The following SH3TC1 variants were observed in gnomAD, a reference collection of about 807,000 sequenced individuals.
SH3TC1 encodes SH3 domain and tetratricopeptide repeat-containing protein 1.
In SH3TC1, 135 loss-of-function variants were observed where a neutral mutation model predicts 117.3. The observed-to-expected ratio is 1.15, with a 90% CI of 1.00 to 1.33. SH3TC1 has a LOEUF of 1.33. SH3TC1 is among the 40% of genes most tolerant of loss of function. The pLI, the probability that SH3TC1 is intolerant of heterozygous loss-of-function variation, is 0.00. For missense variants in SH3TC1, 2,092 were observed against 1,794.3 expected, an observed-to-expected ratio of 1.17 and a Z score of -3.00; for synonymous variants, 898 against 816.9, an observed-to-expected ratio of 1.10 and a Z score of -1.69.
upstream of SH3TC1, among the ~76,000 whole-genome samples, chr4:8,197,474 C>G (rs954238303): frequency 6.6e-6 from 1 of 152,226 alleles, no homozygotes; most frequent in African/African-American, 2.4e-5. Context: ...CGTGTCCCCG[C>G]AGGGAAGAAG....
At chr4:8,215,341 G>A in intron 5 of SH3TC1, 1 of 438,636 alleles carries the variant, frequency 2.3e-6, no homozygotes, top group East Asian at 7.2e-5. Flanking sequence ...TGATTTGAGG[G>A]CTAAGTGAGT....
At position 8,209,953 on chromosome 4, in the gene SH3TC1, G is replaced by A. The variant is rs1718508356; in HGVS notation, c.247+131G>A. 1 of 936,606 alleles carries A rather than the reference G, an allele frequency of 1.1e-6. No homozygotes were observed. The allele number at this position is 936,606 out of a possible 1,614,324, so 58.0% of individuals were successfully genotyped here. ...ACTTCCCACCTTAAAATCATGATGG[G>A]AATAGAAAGAAGGGTTTGTTAAATG... On this transcript the variant is annotated intron_variant, in intron 3 of 17. Transcript: ENST00000245105. The surrounding 1 kb of genome is among the most constrained non-coding windows in gnomAD (Gnocchi z 5.9).
intron 9 of SH3TC1, among the ~76,000 whole-genome samples, chr4:8,222,321 G>T (rs1486781597): frequency 7.0e-6 from 1 of 143,854 alleles, no homozygotes; most frequent in Non-Finnish European, 1.5e-5. Context: ...CTGGGTATCT[G>T]CCCCTGGCCA....
chr4:8,183,203 C>G lies in SH3TC1; in HGVS notation c.-57+993C>G, dbSNP rs564479320. 6.6e-6 allele frequency among the ~76,000 whole-genome samples: 1 copy of G among 152,186 alleles called. No homozygotes were observed. Among genetic ancestry groups the G allele is most frequent in the Non-Finnish European group, 1.5e-5 (1 of 68,032 alleles). On this transcript the variant is annotated intron_variant, in intron 1 of 16. Transcript: ENST00000508641. The surrounding 1 kb of genome is among the most constrained non-coding windows in gnomAD (Gnocchi z 5.4). Reference sequence around the variant, plus strand: ...CCTCTGTGGCAGCAGCAGCCCCAGGCGAGTTCTGTTCACTACGAAGGAGCC... The same window carrying G: ...CCTCTGTGGCAGCAGCAGCCCCAGGGGAGTTCTGTTCACTACGAAGGAGCC...
Position 8,200,286 on chromosome 4 carries a change from C to T in SH3TC1, c.-29+881C>T, listed in dbSNP as rs6833593. Among the ~76,000 whole-genome samples, 410 of 152,306 alleles carry T rather than the reference C, an allele frequency of 2.7e-3. 2 individuals carry two copies. Among genetic ancestry groups the T allele is most frequent in the African/African-American group, 9.5e-3 (393 of 41,568 alleles). On this transcript the variant is annotated intron_variant, in intron 1 of 17. Transcript: ENST00000245105. ...TTGTGGCTGGAGGCAAGGCTGGGCC[C>T]GAGTCAGGTCTGGGTTTAGGATGGG... is the stretch of plus-strand genomic sequence containing the variant.
intron 11 of SH3TC1, 75 bp from the exon 12 acceptor site, chr4:8,226,905 A>C (rs1678300): frequency 0.99 from 1,124,814 of 1,132,054 alleles, 559,120 homozygotes; most frequent in Non-Finnish European, 1. Context: ...GCTGGGGATG[A>C]GGGGACCCTG....
chr4:8,187,907 G>T (rs1447894137), intron 1 of SH3TC1, among the ~76,000 whole-genome samples: 5 of 152,210 alleles, frequency 3.3e-5, no homozygotes, highest in African/African-American at 1.2e-4. Context: ...GTGTTTTGTT[G>T]CTCACTTTGT....
rs145165007 is a variant in SH3TC1 at position 8,233,024 on chromosome 4, G to A, written c.3132-339G>A. ...TGACTGTGATGCCTGCGCACCTTGA[G>A]AACCATCGGCCTGGATAGCATCTGA... On this transcript the variant is annotated intron_variant, in intron 13 of 17. Coordinates refer to ENST00000245105, the MANE Select transcript of SH3TC1 (RefSeq NM_018986.5). 3.9e-5 allele frequency: 47 copies of A among 1,209,050 alleles called. No homozygotes were observed. In the East Asian group the frequency reaches 1.7e-3, roughly 44 times the overall value. The allele number at this position is 1,209,050 out of a possible 1,614,324, so 74.9% of individuals were successfully genotyped here. A position where few individuals can be genotyped will look rare whatever the true frequency, so the allele number is the denominator to read the frequency against.
chr4:8,209,833 T>A lies in SH3TC1; in HGVS notation c.247+11T>A. On this transcript the variant is annotated intron_variant, in intron 3 of 17. Coordinates refer to ENST00000245105, the MANE Select transcript of SH3TC1 (RefSeq NM_018986.5). The surrounding 1 kb of genome is among the most constrained non-coding windows in gnomAD (Gnocchi z 5.9). ...GGGTTTATCCCACAGGTAAACATCCTGGGCCCTACACAGGGCTTCAGGTTC... is the reference window on the plus strand; with the variant it reads ...GGGTTTATCCCACAGGTAAACATCCAGGGCCCTACACAGGGCTTCAGGTTC... 1 of 1,612,406 alleles carries A rather than the reference T, an allele frequency of 6.2e-7. No individual in the cohort carries two copies. The highest frequency in any genetic ancestry group is 1.1e-5 in the South Asian group (1 of 90,604).
chr4:8,209,722 A>T lies in SH3TC1; in HGVS notation c.173-26A>T. 8.7e-6 allele frequency: 14 copies of T among 1,613,484 alleles called. No individual in the cohort carries two copies. The highest frequency in any genetic ancestry group is 1.1e-5 in the Non-Finnish European group (13 of 1,179,932). ...GCCAGGCCTTTGCTTGGTCTCCCCTAATCCTGGGAACCTGCTGTGTTGCAG... is the reference window on the plus strand; with the variant it reads ...GCCAGGCCTTTGCTTGGTCTCCCCTTATCCTGGGAACCTGCTGTGTTGCAG... On this transcript the variant is annotated intron_variant, in intron 2 of 17. Transcript: ENST00000245105. This position sits in a 1 kb window ranked among gnomAD's most constrained non-coding sequence, Gnocchi z 5.9.
At chr4:8,231,685 G>A in intron 12 of SH3TC1, 2 of 434,536 alleles carry the variant, frequency 4.6e-6, no homozygotes, top group Non-Finnish European at 8.2e-6. Context: ...CGGGCTGAAG[G>A]CGGCCCTGGT....
intron 13 of SH3TC1, chr4:8,232,553 G>A (rs1721336250): frequency 7.3e-7 from 1 of 1,363,686 alleles, no homozygotes; most frequent in African/African-American, 1.5e-5. Context: ...GCAGCCACCT[G>A]TGGCTTCTCT....
chr4:8,236,027 C>T (rs551866711), intron 15 of SH3TC1: 3 of 521,640 alleles, frequency 5.8e-6, no homozygotes, highest in African/African-American at 2.0e-5. Flanking sequence ...AGGCTCCCCC[C>T]AGTCAGACCC....
Position 8,219,347 on chromosome 4 carries a change from C to A in SH3TC1, c.929C>A (p.Ala310Asp). The A allele has an allele frequency of 6.3e-7, 1 of 1,593,420 alleles. No homozygotes were observed. The highest frequency in any genetic ancestry group is 8.6e-7 in the Non-Finnish European group (1 of 1,166,564). ...PGNPLMAVGL[A>D]SALADFQGSG... Reference sequence around the variant, plus strand: ...CTTTCTTCCGCAGCTGTGGGCCTGGCCTCGGCATTGGCAGACTTCCAGGGC... The same window carrying A: ...CTTTCTTCCGCAGCTGTGGGCCTGGACTCGGCATTGGCAGACTTCCAGGGC... The change falls in exon 9 of 18, where the codon GCC becomes GAC. Residue 310 changes from alanine (A) to aspartate (D), a missense_variant. Ala to Asp is a moderately radical substitution (Grantham distance 126). Transcript: ENST00000245105.
rs201363226 is a variant in SH3TC1 at position 8,214,546 on chromosome 4, A to G, written c.447A>G (p.Glu149=). 4 of 1,613,894 alleles carry G rather than the reference A, an allele frequency of 2.5e-6. No individual in the cohort carries two copies. Among genetic ancestry groups the G allele is most frequent in the Non-Finnish European group, 3.4e-6 (4 of 1,180,012 alleles). The change falls in exon 5 of 18, where the codon GAA becomes GAG. Residue 149 remains glutamate (E), a synonymous_variant. Transcript: ENST00000245105. ...TCGTGGTGACGTTTAAGACTTTTGA[A>G]GAAATCTGGAAGTTTTCCACCTACC... ...DRIVVTFKTF[E]EIWKFSTYHA...
intron 1 of SH3TC1, among the ~76,000 whole-genome samples, chr4:8,191,889 G>C (rs563118645): frequency 1.3e-5 from 2 of 152,262 alleles, no homozygotes; most frequent in African/African-American, 2.4e-5. Flanking sequence ...AGATGACGGG[G>C]CTGCTCAGCG....
chr4:8,185,207 G>T (rs1418950803), intron 1 of SH3TC1, among the ~76,000 whole-genome samples: 7 of 151,740 alleles, frequency 4.6e-5, no homozygotes. Flanking sequence ...GTGTTTGCGG[G>T]TGCCTGTAGT....
intron 4 of SH3TC1, among the ~76,000 whole-genome samples, chr4:8,213,521 C>T (rs1409021790): frequency 6.6e-6 from 1 of 152,142 alleles, no homozygotes; most frequent in South Asian, 2.1e-4. Context: ...TGCATGATGT[C>T]GGGCACAGGT....
intron 4 of SH3TC1, among the ~76,000 whole-genome samples, chr4:8,214,052 G>C (rs1478870230): frequency 6.6e-6 from 1 of 152,210 alleles, no homozygotes; most frequent in Non-Finnish European, 1.5e-5. Context: ...AATCAGAGGA[G>C]AGGGGATGCT....
Sources: allele counts gnomAD v4.1 joint callset (sites outside exome capture counted in the v4.1 genomes callset), GRCh38; gene constraint gnomAD v4.1.1; non-coding constraint Gnocchi (gnomAD v3.1); transcripts MANE v1.5; gene names NCBI Gene and HGNC (gene_info 2026-07-23, HGNC 2026-07-21).